GABRA4: variants seen among roughly 807,000 people sequenced by gnomAD.
GABRA4 encodes the protein gamma-aminobutyric acid type A receptor subunit alpha4.
A neutral mutation model predicts 49.7 loss-of-function variants in GABRA4; 12 were observed. The observed-to-expected ratio is 0.24, with a 90% CI of 0.15 to 0.39. GABRA4 has a LOEUF of 0.39. Among genes scored for constraint, GABRA4 ranks in the 10% least tolerant of loss-of-function variants. GABRA4 has a pLI of 1.00. For synonymous variants in GABRA4, 288 were observed against 240.2 expected, an observed-to-expected ratio of 1.20 and a Z score of -1.84; for missense variants, 506 against 686.0, an observed-to-expected ratio of 0.74 and a Z score of 2.93.
At position 46,971,227 on chromosome 4, in the gene GABRA4, T is replaced by G. The variant is rs1215072347; in HGVS notation, c.730A>C (p.Ile244Leu). 1 of 1,608,984 alleles carries G rather than the reference T, an allele frequency of 6.2e-7. No homozygotes were observed. The highest frequency in any genetic ancestry group is 2.2e-5 in the East Asian group (1 of 44,688). The change falls in exon 7 of 9, where the codon ATT becomes CTT. Residue 244 changes from isoleucine (I) to leucine (L), a missense_variant. By Grantham distance (5) the Ile-to-Leu change is conservative. This residue lies in a region of GABRA4 where 195 missense variants were observed against 326.0 expected (regional missense o/e 0.60). Transcript: ENST00000264318. The stretch of plus-strand genomic sequence containing the variant: ...AGGTGGAAGTAAACCGTCATAACAA[T>G]ATATTCACCTGCCAAGAAAACAGGA... ...ETIKSITGEY[I>L]VMTVYFHLRR... is the part of the protein sequence containing the mutation.
intron 8 of GABRA4, among the ~76,000 whole-genome samples, chr4:46,939,246 T>G: frequency 6.6e-6 from 1 of 152,068 alleles, no homozygotes; most frequent in Non-Finnish European, 1.5e-5. Context: ...TTCTTACTTT[T>G]TCTTTTAAAG....
intron 2 of GABRA4, among the ~76,000 whole-genome samples, chr4:46,989,440 G>A (rs1362207432): frequency 2.6e-5 from 4 of 152,092 alleles, no homozygotes; most frequent in Non-Finnish European, 5.9e-5. Context: ...CTCAGAAGTC[G>A]GAAACCAGCT....
intron 8 of GABRA4, among the ~76,000 whole-genome samples, chr4:46,934,693 T>C (rs1577745465): frequency 6.6e-6 from 1 of 152,212 alleles, no homozygotes; most frequent in Middle Eastern, 3.4e-3. Flanking sequence ...ATATTTAGAG[T>C]TGAGGGTTTA....
chr4:46,933,069 A>T (rs1380374506), intron 8 of GABRA4, among the ~76,000 whole-genome samples: 1 of 152,154 alleles, frequency 6.6e-6, no homozygotes, highest in Admixed American at 6.6e-5. Context: ...AAGAACAATG[A>T]AGTAAGAGAC....
chr4:46,952,003 A>G (rs974623936), intron 8 of GABRA4, among the ~76,000 whole-genome samples: 1 of 152,016 alleles, frequency 6.6e-6, no homozygotes, highest in African/African-American at 2.4e-5. Context: ...AAAAGCAATT[A>G]AAAGTATTTA....
Position 46,963,105 on chromosome 4 carries a change from C to G in GABRA4, c.1134+1865G>C, listed in dbSNP as rs73247610. Among the ~76,000 whole-genome samples the G allele has an allele frequency of 7.4e-3, 1,131 of 151,868 alleles. 9 individuals are homozygous for G. The highest frequency in any genetic ancestry group is 0.011 in the Non-Finnish European group (738 of 67,822). ...CCACAATGGACAGAAGGGATCACAT[C>G]AAGTTAAAAAGCTTCTGCACAGCCA... On this transcript the variant is annotated intron_variant, in intron 8 of 8. Transcript: ENST00000264318.
intron 8 of GABRA4, among the ~76,000 whole-genome samples, chr4:46,954,823 C>T (rs1474439492): frequency 6.6e-6 from 1 of 152,076 alleles, no homozygotes; most frequent in Non-Finnish European, 1.5e-5. Context: ...AATCTGAAAC[C>T]ATCCAGCTTT....
At chr4:46,962,363 A>G (rs962515645) in intron 8 of GABRA4, among the ~76,000 whole-genome samples, 3 of 151,922 alleles carry the variant, frequency 2.0e-5, no homozygotes, top group Non-Finnish European at 4.4e-5. Flanking sequence ...TACAATAGCC[A>G]CATATAAAAT....
intron 7 of GABRA4, among the ~76,000 whole-genome samples, chr4:46,968,750 C>A (rs574593351): frequency 6.6e-6 from 1 of 151,572 alleles, no homozygotes; most frequent in South Asian, 2.1e-4. Flanking sequence ...CAGCTGTAAT[C>A]AATACTAGCC....
intron 8 of GABRA4, 121 bp downstream of exon 8, chr4:46,964,849 G>C: frequency 9.3e-7 from 1 of 1,081,058 alleles, no homozygotes; most frequent in Non-Finnish European, 1.3e-6. Flanking sequence ...ATGTTTTTCT[G>C]TATTTTTAAA....
At chr4:46,987,156 C>T (rs1045568847) in intron 2 of GABRA4, among the ~76,000 whole-genome samples, 2 of 152,234 alleles carry the variant, frequency 1.3e-5, no homozygotes, top group Admixed American at 6.5e-5. Context: ...CTGTACACAA[C>T]CTTGTCCTCT....
intron 8 of GABRA4, among the ~76,000 whole-genome samples, chr4:46,957,680 A>G (rs75274872): frequency 1.8e-3 from 276 of 152,064 alleles, no homozygotes; most frequent in African/African-American, 5.9e-3. Flanking sequence ...ACCACCATCT[A>G]TCTCAGCCTC....
At chr4:46,929,069 A>G (rs1056567995) in intron 8 of GABRA4, among the ~76,000 whole-genome samples, 1 of 152,078 alleles carries the variant, frequency 6.6e-6, no homozygotes, top group African/African-American at 2.4e-5. Flanking sequence ...TTGCATTTTA[A>G]GAGTTAATGA....
intron 5 of GABRA4, among the ~76,000 whole-genome samples, chr4:46,976,354 C>CAAAAAA (rs71193888): frequency 1.9e-5 from 1 of 51,758 alleles, no homozygotes; most frequent in Non-Finnish European, 3.5e-5. Context: ...CACCCATTCT[C>CAAAAAA]AAAAAAAAAA....
Position 46,929,435 on chromosome 4 carries a change from G to A in GABRA4, c.1135-680C>T, listed in dbSNP as rs555608508. ...AAAGGTTGTATTAGACTTATAAACAGCATCAACCAACAGTTGCATAAATAT... is the reference window on the plus strand; with the variant it reads ...AAAGGTTGTATTAGACTTATAAACAACATCAACCAACAGTTGCATAAATAT... On this transcript the variant is annotated intron_variant, in intron 8 of 8. Transcript: ENST00000264318. Among the ~76,000 whole-genome samples the A allele has an allele frequency of 2.5e-3, 378 of 152,066 alleles. 2 individuals are homozygous for A. The highest frequency in any genetic ancestry group is 4.2e-3 in the Non-Finnish European group (288 of 67,920).
chr4:46,979,192 A>T (rs1723261406), intron 2 of GABRA4, 94 bp from the exon 3 acceptor site: 3 of 732,618 alleles, frequency 4.1e-6, no homozygotes, highest in Non-Finnish European at 7.1e-6. Context: ...CAGATATGAT[A>T]TATCATGTTT....
intron 2 of GABRA4, among the ~76,000 whole-genome samples, chr4:46,989,380 C>T (rs1035125348): frequency 6.6e-6 from 1 of 152,182 alleles, no homozygotes; most frequent in Non-Finnish European, 1.5e-5. Context: ...GTGCAAGCTA[C>T]TTCAGGATGA....
At chr4:46,936,122 A>G (rs1190294023) in intron 8 of GABRA4, among the ~76,000 whole-genome samples, 1 of 152,180 alleles carries the variant, frequency 6.6e-6, no homozygotes, top group East Asian at 1.9e-4. Flanking sequence ...TGAACTATCT[A>G]CTACACCTAA....
At chr4:46,931,448 C>A (rs1721433841) in intron 8 of GABRA4, among the ~76,000 whole-genome samples, 1 of 152,056 alleles carries the variant, frequency 6.6e-6, no homozygotes. Context: ...TCGTTCTAGA[C>A]CAGTATGCTT....
Sources: gnomAD v4.1 joint callset for allele counts (sites outside exome capture counted in the v4.1 genomes callset) on GRCh38, gnomAD v4.1.1 for gene constraint, gnomAD v4.1.1 regional missense constraint, MANE v1.5 for transcripts, NCBI Gene and HGNC (gene_info 2026-07-23, HGNC 2026-07-21) for gene names.